The following OVCH1 variants were observed in gnomAD, a reference collection of about 807,000 sequenced individuals.
OVCH1 encodes ovochymase 1.
A neutral mutation model predicts 138.4 loss-of-function variants in OVCH1; 139 were observed. The ratio of observed to expected loss-of-function variants is 1.00; its 90% confidence interval spans 0.87 to 1.16. OVCH1 has a LOEUF of 1.16. OVCH1 is among the 50% of genes most tolerant of loss of function. The probability of loss-of-function intolerance (pLI) is 0.00; values close to 1 mark genes in which losing one functional copy is unlikely to be tolerated. For missense variants in OVCH1, 1,367 were observed against 1,357.9 expected, an observed-to-expected ratio of 1.01 and a Z score of -0.11; for synonymous variants, 453 against 467.8, an observed-to-expected ratio of 0.97 and a Z score of 0.41.
At chr12:29,483,556 G>A (rs560351226) in intron 8 of OVCH1, among the ~76,000 whole-genome samples, 2 of 152,198 alleles carry the variant, frequency 1.3e-5, no homozygotes, top group South Asian at 4.2e-4. Context: ...CTCTCTGCAT[G>A]GAACTCAAGG....
intron 3 of OVCH1, chr12:29,412,775 G>A (rs944910030): frequency 2.0e-5 from 3 of 152,172 alleles, no homozygotes; most frequent in Non-Finnish European, 4.4e-5. Flanking sequence ...TTAATCTATA[G>A]GATTGATGTT....
downstream of OVCH1, among the ~76,000 whole-genome samples, chr12:29,423,799 A>G (rs1941138974): frequency 6.6e-6 from 1 of 152,222 alleles, no homozygotes; most frequent in Non-Finnish European, 1.5e-5. Context: ...CGAGAAAGAA[A>G]GGAGGGGAGT....
At chr12:29,427,468 G>T, downstream of OVCH1, 8 of 1,487,388 alleles carry the variant, frequency 5.4e-6, no homozygotes, top group Non-Finnish European at 7.2e-6. Context: ...GAGGTCTCAG[G>T]TAAGGTAGCA....
At chr12:29,451,624 A>G in intron 21 of OVCH1, 55 bp from the exon 22 acceptor site, 1 of 1,385,570 alleles carries the variant, frequency 7.2e-7, no homozygotes, top group East Asian at 2.4e-5. Flanking sequence ...GCAAAGAAAA[A>G]CCAGATTCTA....
At chr12:29,491,977 T>G (rs891919427) in intron 4 of OVCH1, among the ~76,000 whole-genome samples, 1 of 152,196 alleles carries the variant, frequency 6.6e-6, no homozygotes, top group Non-Finnish European at 1.5e-5. Context: ...TAGAACCTCA[T>G]GAGTGTATAT....
At chr12:29,403,411 G>A in the OVCH1 span, among the ~76,000 whole-genome samples, 15 of 152,046 alleles carry the variant, frequency 9.9e-5, no homozygotes, top group African/African-American at 3.1e-4. Context: ...TGAACCATAC[G>A]CCCTTTTGGA....
chr12:29,434,034 G>A (rs943145980), intron 26 of OVCH1, among the ~76,000 whole-genome samples: 14 of 151,976 alleles, frequency 9.2e-5, no homozygotes, highest in African/African-American at 3.1e-4. Context: ...TATGATATCC[G>A]ATTTCTATAA....
At chr12:29,488,470 T>G (rs777586426) in intron 6 of OVCH1, among the ~76,000 whole-genome samples, 8 of 151,484 alleles carry the variant, frequency 5.3e-5, no homozygotes, top group Non-Finnish European at 7.4e-5. Flanking sequence ...TACAAAAAAA[T>G]TAGCTGGGCA....
At chr12:29,488,011 TC>T in intron 6 of OVCH1, 129 bp from the exon 7 acceptor site, 2 of 834,214 alleles carry the variant, frequency 2.4e-6, no homozygotes, top group Non-Finnish European at 3.5e-6. Context: ...CTAGTCATCG[TC>T]CATCAGCTTT....
At chr12:29,488,029 A>G in intron 6 of OVCH1, 147 bp from the exon 7 acceptor site, 2 of 776,652 alleles carry the variant, frequency 2.6e-6, no homozygotes, top group Non-Finnish European at 3.9e-6. Flanking sequence ...CTTTTTGTTT[A>G]TCCATTTTCT....
chr12:29,433,606 G>A, intron 27 of OVCH1: 3 of 780,624 alleles, frequency 3.8e-6, no homozygotes, highest in Non-Finnish European at 5.6e-6. Context: ...ACTATGGCAG[G>A]GACTGTCTTG....
At chr12:29,465,653 T>G (rs1942290081) in intron 16 of OVCH1, among the ~76,000 whole-genome samples, 1 of 152,298 alleles carries the variant, frequency 6.6e-6, no homozygotes, top group Non-Finnish European at 1.5e-5. Context: ...AGCCACATCA[T>G]GCCTTCTGAT....
At chr12:29,487,972 G>T in intron 6 of OVCH1, 90 bp from the exon 7 acceptor site, 1 of 1,271,320 alleles carries the variant, frequency 7.9e-7, no homozygotes, top group Non-Finnish European at 1.1e-6. Flanking sequence ...TCATCACAAA[G>T]TGAAAAGAGG....
intron 3 of OVCH1, 134 bp downstream of exon 3, chr12:29,496,047 G>A: frequency 1.4e-6 from 1 of 711,648 alleles, no homozygotes; most frequent in African/African-American, 1.8e-5. Flanking sequence ...GAATCAGGAA[G>A]ATCAGTGGGT....
downstream of OVCH1, chr12:29,426,017 A>T (rs972429047): frequency 6.6e-6 from 1 of 152,174 alleles, no homozygotes; most frequent in Non-Finnish European, 1.5e-5. Flanking sequence ...TAGTAACCAG[A>T]TTGCACACCA....
chr12:29,411,897 C>A (rs1391442338), downstream of OVCH1, among the ~76,000 whole-genome samples: 1 of 150,642 alleles, frequency 6.6e-6, no homozygotes, highest in Non-Finnish European at 1.5e-5. Context: ...TGTCTGTGCC[C>A]TGCCCCCAGA....
intron 14 of OVCH1, 113 bp from the exon 15 acceptor site, chr12:29,473,216 T>C: frequency 3.0e-6 from 2 of 675,806 alleles, no homozygotes; most frequent in South Asian, 3.7e-5. Flanking sequence ...TCACTAACAC[T>C]ACCATTCATA....
In OVCH1 at chr12:29,441,088, C is replaced by CAT. The variant is rs1428601978; in HGVS notation, c.3158-1656_3158-1655dup. ...AGATTTGAGATAATTCCCAAAGTCC[C>CAT]ATATATCCCATGGTGTCCAGAAATG... is the stretch of plus-strand genomic sequence containing the variant. On this transcript the variant is annotated intron_variant, in intron 25 of 27. Coordinates refer to ENST00000318184, the Ensembl canonical transcript of OVCH1. Among the ~76,000 whole-genome samples the CAT allele has an allele frequency of 2.6e-5, 4 of 152,234 alleles. No individual in the cohort carries two copies. In the East Asian group the frequency reaches 7.7e-4, roughly 29 times the overall value.
chr12:29,414,528 T>C (rs921952878), intron 3 of OVCH1, among the ~76,000 whole-genome samples: 1 of 152,212 alleles, frequency 6.6e-6, no homozygotes, highest in African/African-American at 2.4e-5. Context: ...GAAAGTAGAA[T>C]TGCTGGGCCA....
Sources: allele counts gnomAD v4.1 joint callset (sites outside exome capture counted in the v4.1 genomes callset), GRCh38; gene constraint gnomAD v4.1.1; transcripts MANE v1.5; gene names NCBI Gene and HGNC (gene_info 2026-07-23, HGNC 2026-07-21).